Variants in PNPLA3 observed in about 807,000 individuals in gnomAD.
PNPLA3 encodes 1-acylglycerol-3-phosphate O-acyltransferase PNPLA3.
PNPLA3 carries 42 observed loss-of-function variants against 43.1 expected under a neutral mutation model. That is an observed-to-expected ratio of 0.97 (90% CI 0.76 to 1.26). PNPLA3 has a LOEUF of 1.26. PNPLA3 is among the 50% of genes most tolerant of loss of function. The pLI, the probability that PNPLA3 is intolerant of heterozygous loss-of-function variation, is 0.00. For synonymous variants in PNPLA3, 272 were observed against 253.6 expected, an observed-to-expected ratio of 1.07 and a Z score of -0.69; for missense variants, 647 against 621.4, an observed-to-expected ratio of 1.04 and a Z score of -0.44.
rs1751967100 is a variant in PNPLA3 at position 43,928,713 on chromosome 22, A to G, written c.421-111A>G. ...ACCCATGGATTAACCTACTCTGTGC[A>G]AAGGGCATTTTCAAGTTTGTTGCCC... On this transcript the variant is annotated intron_variant, in intron 2 of 8. Coordinates refer to ENST00000216180, the MANE Select transcript of PNPLA3 (RefSeq NM_025225.3). 2.1e-6 allele frequency: 2 copies of G among 946,494 alleles called. 1 individual carries two copies. 58.6% of individuals were successfully genotyped at this position (946,494 alleles called of 1,614,324 possible). A position where few individuals can be genotyped will look rare whatever the true frequency, so the allele number is the denominator to read the frequency against.
intron 1 of PNPLA3, among the ~76,000 whole-genome samples, chr22:43,924,859 A>G (rs1343485978): frequency 2.6e-5 from 4 of 152,026 alleles, no homozygotes; most frequent in Non-Finnish European, 5.9e-5. Flanking sequence ...CGTGTTAGCC[A>G]GGATGGTCTC....
intron 3 of PNPLA3, 117 bp downstream of exon 3, chr22:43,929,006 C>T: frequency 9.5e-7 from 1 of 1,056,554 alleles, no homozygotes; most frequent in Non-Finnish European, 1.5e-6. Context: ...ATGGTGGAGC[C>T]CCATGCCTCA....
At chr22:43,929,751 C>T (rs12484809) in intron 3 of PNPLA3, among the ~76,000 whole-genome samples, 27,676 of 151,274 alleles carry the variant, frequency 0.18, 3,091 homozygotes, top group East Asian at 0.38. Context: ...TGCCTGCCGT[C>T]ACGCCAAGCT....
At position 43,923,973 on chromosome 22, in the gene PNPLA3, A is replaced by G. The variant is rs765359196; in HGVS notation, c.62A>G (p.Tyr21Cys). 8.8e-5 allele frequency: 139 copies of G among 1,584,926 alleles called. No individual in the cohort carries two copies. The highest frequency in any genetic ancestry group is 1.1e-4 in the Non-Finnish European group (134 of 1,174,114). ...GCGGGCTGCGGCTTCCTGGGCTTCT[A>G]CCACGTCGGGGCGACCCGCTGCCTG... ...SFAGCGFLGF[Y>C]HVGATRCLSE... The change falls in exon 1 of 9, where the codon TAC becomes TGC. Residue 21 changes from tyrosine to cysteine, a missense_variant. Physicochemically the swap from Tyr to Cys is radical, Grantham distance 194. Coordinates refer to ENST00000216180, the MANE Select transcript of PNPLA3 (RefSeq NM_025225.3).
chr22:43,936,533 C>T (rs1412106752), intron 5 of PNPLA3, among the ~76,000 whole-genome samples: 1 of 152,340 alleles, frequency 6.6e-6, no homozygotes, highest in East Asian at 1.9e-4. Context: ...CTTCTGGGTG[C>T]TTCTTCCAAG....
chr22:43,940,225 T>C, intron 7 of PNPLA3, 100 bp downstream of exon 7: 1 of 1,377,720 alleles, frequency 7.3e-7, no homozygotes, highest in Non-Finnish European at 1.0e-6. Flanking sequence ...ACCTGGATTG[T>C]CGTGCCACAG....
intron 3 of PNPLA3, among the ~76,000 whole-genome samples, chr22:43,929,850 G>A (rs538076009): frequency 6.6e-5 from 10 of 152,216 alleles, no homozygotes; most frequent in African/African-American, 2.4e-4. Context: ...GCCCGCCTTG[G>A]CCTCCCAAAG....
intron 7 of PNPLA3, among the ~76,000 whole-genome samples, chr22:43,940,776 T>TCCAGC (rs563957174): frequency 5.3e-5 from 8 of 151,902 alleles, no homozygotes; most frequent in Non-Finnish European, 1.0e-4. Context: ...ACCACTGCAC[T>TCCAGC]CCAGCCTGGG....
chr22:43,945,542 A>G (rs1433036981), intron 8 of PNPLA3, among the ~76,000 whole-genome samples: 1 of 152,196 alleles, frequency 6.6e-6, no homozygotes, highest in Non-Finnish European at 1.5e-5. Context: ...CATGCTGGGC[A>G]TCAGGAGGTA....
At chr22:43,934,336 A>G (rs1360670060) in intron 4 of PNPLA3, among the ~76,000 whole-genome samples, 1 of 144,632 alleles carries the variant, frequency 6.9e-6, no homozygotes, top group Non-Finnish European at 1.5e-5. Context: ...AAAAAAAAAA[A>G]GAAAAGTAAA....
rs761704201 is a variant in PNPLA3 at position 43,937,112 on chromosome 22, C to T, written c.819C>T (p.Val273=). Residue 273 remains valine, a synonymous_variant, in exon 6 of 9, where the codon GTC becomes GTT. Transcript: ENST00000216180. The part of the protein sequence containing the change: ...KSSSEGMDPE[V]AMPSWANMSL... ...CCTCAGAAGGGATGGATCCTGAGGT[C>T]GCCATGCCCAGCTGGGCAAACATGA... The T allele has an allele frequency of 3.8e-5, 62 of 1,614,008 alleles. No homozygotes were observed. The highest frequency in any genetic ancestry group is 2.2e-4 in the South Asian group (20 of 91,078).
Position 43,923,850 on chromosome 22 carries a change from C to T in PNPLA3, c.-62C>T. On this transcript the variant is annotated 5_prime_UTR_variant, in exon 1 of 9. Transcript: ENST00000216180. The stretch of plus-strand genomic sequence containing the variant: ...GGGCGGAGCTGCTGCGGATCAGGAC[C>T]CGAGCCGATTCCCGATCCCGACCCA... 2 of 1,413,716 alleles carry T rather than the reference C, an allele frequency of 1.4e-6. No homozygotes were observed. The highest frequency in any genetic ancestry group is 1.5e-5 in the African/African-American group (1 of 66,906). The allele number at this position is 1,413,716 out of a possible 1,614,324, so 87.6% of individuals were successfully genotyped here.
chr22:43,934,767 C>A, intron 5 of PNPLA3, 101 bp downstream of exon 5: 1 of 1,077,662 alleles, frequency 9.3e-7, no homozygotes, highest in South Asian at 1.3e-5. Flanking sequence ...CACTTAGTGC[C>A]CAACGCCTTC....
At chr22:43,945,604 A>G (rs1194751578) in intron 8 of PNPLA3, among the ~76,000 whole-genome samples, 1 of 152,152 alleles carries the variant, frequency 6.6e-6, no homozygotes, top group Non-Finnish European at 1.5e-5. Context: ...ATTTAAAAGT[A>G]GGGGAATGCA....
intron 4 of PNPLA3, among the ~76,000 whole-genome samples, chr22:43,934,316 TAAA>T (rs3083286): frequency 5.9e-4 from 70 of 118,032 alleles, no homozygotes; most frequent in South Asian, 3.9e-3. Flanking sequence ...GACTCTGCCT[TAAA>T]AAAAAAAAAA....
At position 43,934,665 on chromosome 22, in the gene PNPLA3, G is replaced by A. The variant is rs752721031; in HGVS notation, c.756G>A (p.Lys252=). 33 of 1,610,440 alleles carry A rather than the reference G, an allele frequency of 2.0e-5. No individual in the cohort carries two copies. The highest frequency in any genetic ancestry group is 5.9e-6 in the Non-Finnish European group (7 of 1,176,756). ...ATGCATTCAGGTTCTTGGAAGAGAA[G>A]GGTATGTATGGGCTGGGAGGATCAG... ...YLDAFRFLEE[K]GICNRPQPGL... is the part of the protein sequence containing the mutation. The change falls in exon 5 of 9, where the codon AAG becomes AAA. Residue 252 remains lysine, a splice_region_variant and synonymous_variant. Coordinates refer to ENST00000216180, the MANE Select transcript of PNPLA3 (RefSeq NM_025225.3).
Position 43,927,501 on chromosome 22 carries a change from A to G in PNPLA3, c.420+334A>G, listed in dbSNP as rs572136782. On this transcript the variant is annotated intron_variant, in intron 2 of 8. Transcript: ENST00000216180. ...TGAGATGCTGTCTGGAAAAAAAAAA[A>G]AAAGAAAGACTGTTTTGTTTTGGAA... Among the ~76,000 whole-genome samples, 602 of 150,530 alleles carry G rather than the reference A, an allele frequency of 4.0e-3. 6 individuals are homozygous for G. Among genetic ancestry groups the G allele is most frequent in the African/African-American group, 0.014 (565 of 40,920 alleles).
At chr22:43,927,785 T>C (rs2049934725) in intron 2 of PNPLA3, among the ~76,000 whole-genome samples, 1 of 152,200 alleles carries the variant, frequency 6.6e-6, no homozygotes, top group Admixed American at 6.5e-5. Context: ...ATGTTTGTAC[T>C]TTTTGTAGAG....
chr22:43,945,991 GC>G (rs1405567433), intron 8 of PNPLA3, among the ~76,000 whole-genome samples, 162 bp from the exon 9 acceptor site: 1 of 152,194 alleles, frequency 6.6e-6, no homozygotes, highest in Non-Finnish European at 1.5e-5. Flanking sequence ...GGTGACATCA[GC>G]CCAGCACTGA....
Sources: gnomAD v4.1 joint callset for allele counts (sites outside exome capture counted in the v4.1 genomes callset) on GRCh38, gnomAD v4.1.1 for gene constraint, MANE v1.5 for transcripts, NCBI Gene and HGNC (gene_info 2026-07-23, HGNC 2026-07-21) for gene names.